Variants in JAKMIP3 observed in about 807,000 individuals in gnomAD.
JAKMIP3 encodes Janus kinase and microtubule interacting protein 3.
Under a neutral mutation model 118.5 loss-of-function variants are expected in JAKMIP3, and 58 were observed. The ratio of observed to expected loss-of-function variants is 0.49; its 90% CI spans 0.40 to 0.61. The LOEUF (loss-of-function observed/expected upper bound fraction) is 0.61, where lower values mean the gene tolerates loss of function less well. JAKMIP3 is among the 20% of genes least tolerant of loss of function. The pLI, the probability that JAKMIP3 is intolerant of heterozygous loss-of-function variation, is 0.00. For missense variants in JAKMIP3, 950 were observed against 1,109.0 expected (o/e 0.86, Z 2.04); for synonymous variants, 486 against 451.2 (o/e 1.08, Z -0.98).
At chr10:132,070,437 C>G (rs567093847) in intron 1 of JAKMIP3, among the ~76,000 whole-genome samples, 1 of 152,152 alleles carries the variant, frequency 6.6e-6, no homozygotes, top group Non-Finnish European at 1.5e-5. Context: ...CGTGAGCCAC[C>G]GCGCCCGACC....
In JAKMIP3 at chr10:132,054,269, GT is replaced by G. The variant is rs59289299; in HGVS notation, c.-138+17532del. 0.011 allele frequency among the ~76,000 whole-genome samples: 1,623 copies of G among 152,172 alleles called. 128 individuals carry two copies. The East Asian group carries it at 0.22, about 20-fold the overall frequency. ...CAGGCTCAGGGAAGGTTCTGTGAAT[GT>G]AAGGGGCATGCCTGGAAAAGGCCTG... is the stretch of plus-strand genomic sequence containing the variant. On this transcript the variant is annotated intron_variant, in intron 1 of 23. Coordinates refer to the JAKMIP3 transcript ENST00000657785.
intron 1 of JAKMIP3, among the ~76,000 whole-genome samples, chr10:132,047,807 A>G (rs2037966218): frequency 1.1e-5 from 1 of 94,146 alleles, no homozygotes; most frequent in African/African-American, 3.9e-5. Context: ...GTGTCCCCTC[A>G]TGGAGCTGTG....
Position 132,152,938 on chromosome 10 carries a change from T to C in JAKMIP3, c.2008-20T>C. 6.3e-7 allele frequency: 1 copy of C among 1,590,306 alleles called. No individual in the cohort carries two copies. Among genetic ancestry groups the C allele is most frequent in the Non-Finnish European group, 8.6e-7 (1 of 1,167,162 alleles). On this transcript the variant is annotated intron_variant, in intron 16 of 23. Coordinates refer to ENST00000684848, the MANE Select transcript of JAKMIP3 (RefSeq NM_001323087.2). ...AAGGCACTGCTTCTGACCGCACCTG[T>C]GTTCTGCTTTTGGGTGCAGAACCTG...
chr10:132,122,362 A>G (rs981562678), intron 3 of JAKMIP3, among the ~76,000 whole-genome samples: 11 of 152,226 alleles, frequency 7.2e-5, no homozygotes, highest in African/African-American at 2.4e-4. Flanking sequence ...CTTGGCCCAG[A>G]CACCAGCCTG....
At chr10:132,071,160 A>AGT (rs3068079) in intron 1 of JAKMIP3, among the ~76,000 whole-genome samples, 14,197 of 148,976 alleles carry the variant, frequency 0.095, 714 homozygotes, top group Middle Eastern at 0.12. Context: ...GTCATTTAAA[A>AGT]GTGTGTGTGT....
chr10:132,130,666 G>A (rs871435), intron 3 of JAKMIP3, among the ~76,000 whole-genome samples: 26,215 of 152,222 alleles, frequency 0.17, 2,407 homozygotes, highest in East Asian at 0.36. Flanking sequence ...GCACTGAGGC[G>A]TGGTCAGCCC....
chr10:132,126,934 A>C (rs538581485), intron 3 of JAKMIP3, among the ~76,000 whole-genome samples: 1 of 152,268 alleles, frequency 6.6e-6, no homozygotes, highest in African/African-American at 2.4e-5. Context: ...TATGGTATCT[A>C]GATTTGGCTG....
At chr10:132,163,537 C>T in intron 20 of JAKMIP3, 125 bp downstream of exon 20, 1 of 805,406 alleles carries the variant, frequency 1.2e-6, no homozygotes, top group Non-Finnish European at 2.0e-6. Context: ...CTCCAGTGGC[C>T]ACACCCCTCA....
At chr10:132,068,171 C>T (rs188531163) in intron 1 of JAKMIP3, among the ~76,000 whole-genome samples, 248 of 112,978 alleles carry the variant, frequency 2.2e-3, no homozygotes, top group Admixed American at 4.8e-3. Context: ...TGGGTTTCTG[C>T]GTGGTCTGGA....
At chr10:132,177,157 A>G (rs1565012299) in intron 23 of JAKMIP3, among the ~76,000 whole-genome samples, 1 of 152,196 alleles carries the variant, frequency 6.6e-6, no homozygotes, top group Non-Finnish European at 1.5e-5. Flanking sequence ...CTGTCTTGCA[A>G]TCTATAATGC....
At chr10:132,138,517 G>A (rs1310765384) in intron 9 of JAKMIP3, among the ~76,000 whole-genome samples, 2 of 152,244 alleles carry the variant, frequency 1.3e-5, no homozygotes, top group African/African-American at 2.4e-5. Flanking sequence ...CGTGTGCTTA[G>A]TAGGAATCAG....
At chr10:132,140,065 C>T (rs2135909374) in intron 9 of JAKMIP3, among the ~76,000 whole-genome samples, 1 of 152,314 alleles carries the variant, frequency 6.6e-6, no homozygotes, top group East Asian at 1.9e-4. Flanking sequence ...AGGACTGAAA[C>T]TTTAAAAAAT....
At chr10:132,138,282 G>A (rs549696261) in intron 9 of JAKMIP3, 104 bp downstream of exon 9, 4 of 1,035,596 alleles carry the variant, frequency 3.9e-6, no homozygotes, top group East Asian at 5.4e-5. Context: ...AGAGGGGTGC[G>A]CCGGTGTACG....
chr10:132,180,802 G>A (rs1486971954), intron 23 of JAKMIP3, among the ~76,000 whole-genome samples: 1 of 140,550 alleles, frequency 7.1e-6, no homozygotes, highest in Non-Finnish European at 1.5e-5. Flanking sequence ...CATGTGCTGT[G>A]AGTGGTGTGT....
At chr10:132,180,570 T>TGCGTGCGTGC (rs1325845020) in intron 23 of JAKMIP3, among the ~76,000 whole-genome samples, 248 of 19,946 alleles carry the variant, frequency 0.012, 91 homozygotes, top group African/African-American at 0.041. Context: ...TGTGTGTGCG[T>TGCGTGCGTGC]GTGTGTGTGC....
In JAKMIP3 at chr10:132,133,298, T is replaced by C. The variant is rs975394412; in HGVS notation, c.634-14T>C. 10 of 1,561,868 alleles carry C rather than the reference T, an allele frequency of 6.4e-6. 1 individual carries two copies. The highest frequency in any genetic ancestry group is 8.7e-6 in the Non-Finnish European group (10 of 1,150,718). On this transcript the variant is annotated splice_polypyrimidine_tract_variant and intron_variant, in intron 3 of 23. Transcript: ENST00000684848. ...TCCTGCCGCCTGTGTGATTGTGTTC[T>C]GTTCTCCTTGTAGATGGAGGAGATA...
intron 1 of JAKMIP3, among the ~76,000 whole-genome samples, chr10:132,051,721 C>T (rs1294641928): frequency 6.6e-6 from 1 of 152,228 alleles, no homozygotes; most frequent in African/African-American, 2.4e-5. Context: ...CCTCCCACCT[C>T]AGCCTCCTGA....
rs778811438 is a variant in JAKMIP3 at position 132,164,732 on chromosome 10, A to T, written c.2487A>T (p.Glu829Asp). The stretch of plus-strand genomic sequence containing the variant: ...AGAGACAAATAAAGGAACTGGAGGA[A>T]AAGGTAAAACAAATGCAGTTTTGGG... Reference protein sequence around the residue: ...AQKRQIKELEEKFLFLFLFFS... With the variant: ...AQKRQIKELEDKFLFLFLFFS... The change falls in exon 21 of 24, where the codon GAA becomes GAT. Residue 829 changes from glutamate (E) to aspartate (D), a missense_variant. By Grantham distance (45) the Glu-to-Asp change is conservative. Coordinates refer to ENST00000684848, the MANE Select transcript of JAKMIP3 (RefSeq NM_001323087.2). 4 of 1,601,078 alleles carry T rather than the reference A, an allele frequency of 2.5e-6. No homozygotes were observed. In the African/African-American group the frequency reaches 5.4e-5, roughly 21 times the overall value.
At position 132,168,083 on chromosome 10, in the gene JAKMIP3, G is replaced by C. The variant is rs1412015598; in HGVS notation, c.*153G>C. 2.8e-5 allele frequency: 36 copies of C among 1,289,422 alleles called. No individual in the cohort carries two copies. Among genetic ancestry groups the C allele is most frequent in the Non-Finnish European group, 3.4e-5 (34 of 988,806 alleles). The allele number at this position is 1,289,422 out of a possible 1,614,324, so 79.9% of individuals were successfully genotyped here. A position where few individuals can be genotyped will look rare whatever the true frequency, so the allele number is the denominator to read the frequency against. The stretch of plus-strand genomic sequence containing the variant: ...CGCCCGTCCCGTGGAGGAAGAGTGA[G>C]AAGGGGCAGTGTGTGGGGCGTGGAG... On this transcript the variant is annotated 3_prime_UTR_variant, in exon 23 of 24. Transcript: ENST00000684848.
Sources: allele counts gnomAD v4.1 joint callset (sites outside exome capture counted in the v4.1 genomes callset), GRCh38; gene constraint gnomAD v4.1.1; transcripts MANE v1.5; gene names NCBI Gene and HGNC (gene_info 2026-07-23, HGNC 2026-07-21).